Variants in SLC34A1 observed in about 807,000 individuals in gnomAD.
SLC34A1 encodes the protein solute carrier family 34 member 1.
A neutral mutation model predicts 51.4 loss-of-function variants in SLC34A1; 57 were observed. The observed-to-expected ratio is 1.11, with a 90% confidence interval of 0.90 to 1.38. SLC34A1 has a LOEUF of 1.38. SLC34A1 is among the 40% of genes most tolerant of loss of function. SLC34A1 has a pLI of 0.00. For missense variants in SLC34A1, 796 were observed against 835.6 expected, an observed-to-expected ratio of 0.95 and a Z score of 0.58; for synonymous variants, 368 against 358.0, an observed-to-expected ratio of 1.03 and a Z score of -0.32.
chr5:177,397,031 C>G lies in SLC34A1; in HGVS notation c.1373C>G (p.Ala458Gly). 2 of 1,614,026 alleles carry G rather than the reference C, an allele frequency of 1.2e-6. No individual in the cohort carries two copies. The highest frequency in any genetic ancestry group is 1.7e-6 in the Non-Finnish European group (2 of 1,180,020). Residue 458 changes from alanine (A) to glycine (G), a missense_variant, in exon 12 of 13, where the codon GCT (alanine) becomes GGT (glycine). Transcript: ENST00000324417. ...NIGTTTTAIL[A>G]ALASPREKLS... ...GGCACCACCACCACGGCCATCCTGG[C>G]TGCCCTGGCCAGCCCCAGGGAGAAG...
At position 177,397,929 on chromosome 5, in the gene SLC34A1, C is replaced by G. The variant is rs1302577011; in HGVS notation, c.1563C>G (p.Val521=). ...GGTTTGCCGTCCTCTATCTCCTTGTCTGCTTCCTGCTGCTGCCCTCACTGG... is the reference window on the plus strand; with the variant it reads ...GGTTTGCCGTCCTCTATCTCCTTGTGTGCTTCCTGCTGCTGCCCTCACTGG... ...YRWFAVLYLL[V]CFLLLPSLVF... The change falls in exon 13 of 13, where the codon GTC becomes GTG. Residue 521 remains valine (V), a synonymous_variant. Transcript: ENST00000324417. 6.2e-7 allele frequency: 1 copy of G among 1,614,108 alleles called. No homozygotes were observed. The highest frequency in any genetic ancestry group is 1.3e-5 in the African/African-American group (1 of 75,062).
At chr5:177,387,961 G>A (rs576196689) in intron 6 of SLC34A1, 33 bp from the exon 7 acceptor site, 422 of 1,610,962 alleles carry the variant, frequency 2.6e-4, no homozygotes, top group Non-Finnish European at 3.2e-4. Context: ...GCACTGGCTC[G>A]AGCCTGCCTT....
chr5:177,394,311 C>T lies in SLC34A1; in HGVS notation c.1174+116C>T, dbSNP rs1480036701. On this transcript the variant is annotated intron_variant, in intron 10 of 12. Coordinates refer to ENST00000324417, the MANE Select transcript of SLC34A1 (RefSeq NM_003052.5). ...CTACCATCTCTGAGACTCAGTTTCC[C>T]GATGTGAACAAAGAAGGTGGTTTCT... is the stretch of plus-strand genomic sequence containing the variant. 1.1e-5 allele frequency: 13 copies of T among 1,168,620 alleles called. No homozygotes were observed. The Middle Eastern group carries it at 7.3e-4, about 65-fold the overall frequency. The allele number at this position is 1,168,620 out of a possible 1,614,324, so 72.4% of individuals were successfully genotyped here. A position where few individuals can be genotyped will look rare whatever the true frequency, so the allele number is the denominator to read the frequency against.
At position 177,396,788 on chromosome 5, in the gene SLC34A1, C is replaced by T; in HGVS notation, c.1230C>T (p.Ala410=). ...GCTACTTTGCCATGGTGGTGGGCGC[C>T]AGCATGACCTTCGTGGTCCAGAGCA... ...VTGYFAMVVG[A]SMTFVVQSSS... Residue 410 remains alanine, a synonymous_variant, in exon 11 of 13, where the codon GCC becomes GCT. Coordinates refer to ENST00000324417, the MANE Select transcript of SLC34A1 (RefSeq NM_003052.5). This position sits in a 1 kb window ranked among gnomAD's most constrained non-coding sequence, Gnocchi z 4.0. 6.2e-7 allele frequency: 1 copy of T among 1,614,250 alleles called. No individual in the cohort carries two copies. The highest frequency in any genetic ancestry group is 8.5e-7 in the Non-Finnish European group (1 of 1,180,048).
Position 177,398,283 on chromosome 5 carries a change from C to T in SLC34A1, c.1917C>T (p.Leu639=). ...CTGCTCACCACAATGCCACCCGCCTCTAGGCTGTGGGCCCAGACTACAGCC... is the reference window on the plus strand; with the variant it reads ...CTGCTCACCACAATGCCACCCGCCTTTAGGCTGTGGGCCCAGACTACAGCC... ...ALPAHHNATR[L] is the part of the protein sequence containing the mutation. The change falls in exon 13 of 13, where the codon CTC becomes CTT. Residue 639 remains leucine (L), a synonymous_variant. Transcript: ENST00000324417. This position sits in a 1 kb window ranked among gnomAD's most constrained non-coding sequence, Gnocchi z 4.7. The T allele has an allele frequency of 6.3e-7, 1 of 1,599,480 alleles. No individual in the cohort carries two copies. Among genetic ancestry groups the T allele is most frequent in the Non-Finnish European group, 8.5e-7 (1 of 1,179,950 alleles).
chr5:177,393,874 C>A, intron 9 of SLC34A1, 111 bp downstream of exon 9: 1 of 1,469,316 alleles, frequency 6.8e-7, no homozygotes, highest in South Asian at 1.1e-5. Context: ...GCATGGCTGT[C>A]AACTAGCCCA....
intron 6 of SLC34A1, 40 bp downstream of exon 6, chr5:177,387,913 G>C (rs1187248781): frequency 6.2e-7 from 1 of 1,608,176 alleles, no homozygotes; most frequent in Admixed American, 1.7e-5. Flanking sequence ...GCCTGGGGGA[G>C]GACAGCCCCA....
intron 12 of SLC34A1, chr5:177,397,464 G>A: frequency 3.9e-6 from 2 of 518,346 alleles, no homozygotes; most frequent in South Asian, 4.1e-5. Flanking sequence ...CTGAATGAGG[G>A]TCCAGAAACT....
At chr5:177,397,510 T>C in intron 12 of SLC34A1, 1 of 566,120 alleles carries the variant, frequency 1.8e-6, no homozygotes, top group Non-Finnish European at 3.2e-6. Flanking sequence ...TTTGGCAGTA[T>C]CTGCTGGGGG....
intron 2 of SLC34A1, 23 bp from the exon 3 acceptor site, chr5:177,385,964 T>A: frequency 5.0e-6 from 8 of 1,610,546 alleles, no homozygotes; most frequent in Non-Finnish European, 6.8e-6. Flanking sequence ...GCCCTGGGGC[T>A]CCTGACCAGG....
intron 8 of SLC34A1, among the ~76,000 whole-genome samples, chr5:177,393,475 C>T (rs1762869964): frequency 6.6e-6 from 1 of 152,134 alleles, no homozygotes; most frequent in Non-Finnish European, 1.5e-5. Context: ...AGTGGAGTGA[C>T]AGGGCAGAAC....
intron 5 of SLC34A1, among the ~76,000 whole-genome samples, chr5:177,387,353 C>T (rs1424036256): frequency 6.6e-6 from 1 of 152,190 alleles, no homozygotes; most frequent in Non-Finnish European, 1.5e-5. Context: ...CGAGATCATG[C>T]CACTGCACTC....
At position 177,386,194 on chromosome 5, in the gene SLC34A1, A is replaced by G. The variant is rs754033763; in HGVS notation, c.260-27A>G. 6 of 1,613,970 alleles carry G rather than the reference A, an allele frequency of 3.7e-6. No homozygotes were observed. Among genetic ancestry groups the G allele is most frequent in the Non-Finnish European group, 5.1e-6 (6 of 1,180,026 alleles). ...GCAGTCCCTGCCCTGGCCTCTGCCC[A>G]CTATGCTCATGGCTTCCCCCATCCA... On this transcript the variant is annotated intron_variant, in intron 3 of 12. Coordinates refer to ENST00000324417, the MANE Select transcript of SLC34A1 (RefSeq NM_003052.5). This position sits in a 1 kb window ranked among gnomAD's most constrained non-coding sequence, Gnocchi z 4.8.
intron 5 of SLC34A1, among the ~76,000 whole-genome samples, chr5:177,387,028 T>C (rs1360334417): frequency 6.6e-6 from 1 of 151,752 alleles, no homozygotes; most frequent in African/African-American, 2.4e-5. Flanking sequence ...CAGGCTAGTG[T>C]TGGGTTGAAT....
chr5:177,394,621 C>G (rs2127353544), intron 10 of SLC34A1, among the ~76,000 whole-genome samples: 1 of 151,178 alleles, frequency 6.6e-6, no homozygotes, highest in South Asian at 2.1e-4. Context: ...CTTTGGGAGG[C>G]TGAAGCAGCA....
At chr5:177,390,509 CCTGA>C (rs1561631091) in intron 8 of SLC34A1, 2 of 355,846 alleles carry the variant, frequency 5.6e-6, no homozygotes, top group South Asian at 1.1e-4. Flanking sequence ...CTGGTAGAAT[CCTGA>C]CTATCTCGTT....
In SLC34A1 at chr5:177,396,113, G is replaced by A. The variant is rs917167140; in HGVS notation, c.1175-620G>A. 6.6e-6 allele frequency among the ~76,000 whole-genome samples: 1 copy of A among 152,108 alleles called. No homozygotes were observed. The highest frequency in any genetic ancestry group is 2.4e-5 in the African/African-American group (1 of 41,404). Reference sequence around the variant, plus strand: ...CATTTTAAACTTCATGCACTGGGAGGGGCTGCATGACAAGTACTAGAATAA... The same window carrying A: ...CATTTTAAACTTCATGCACTGGGAGAGGCTGCATGACAAGTACTAGAATAA... On this transcript the variant is annotated intron_variant, in intron 10 of 12. Coordinates refer to ENST00000324417, the MANE Select transcript of SLC34A1 (RefSeq NM_003052.5). This position sits in a 1 kb window ranked among gnomAD's most constrained non-coding sequence, Gnocchi z 4.0.
chr5:177,388,576 T>C lies in SLC34A1; in HGVS notation c.936+204T>C, dbSNP rs1337840714. Reference sequence around the variant, plus strand: ...CCTTAGGCAGACATCACCAATCAATTAAAGTTGTTATGTAATTGATCTAGC... The same window carrying C: ...CCTTAGGCAGACATCACCAATCAATCAAAGTTGTTATGTAATTGATCTAGC... On this transcript the variant is annotated intron_variant, in intron 8 of 12. Transcript: ENST00000324417. The surrounding 1 kb of genome is among the most constrained non-coding windows in gnomAD (Gnocchi z 4.3). Among the ~76,000 whole-genome samples, 2 of 151,884 alleles carry C rather than the reference T, an allele frequency of 1.3e-5. No homozygotes were observed. The highest frequency in any genetic ancestry group is 2.9e-5 in the Non-Finnish European group (2 of 67,998).
At position 177,394,151 on chromosome 5, in the gene SLC34A1, T is replaced by A; in HGVS notation, c.1130T>A (p.Leu377His). 6.2e-7 allele frequency: 1 copy of A among 1,614,050 alleles called. No individual in the cohort carries two copies. Among genetic ancestry groups the A allele is most frequent in the East Asian group, 2.2e-5 (1 of 44,878 alleles). The change falls in exon 10 of 13, where the codon CTC becomes CAC. Residue 377 changes from leucine to histidine, a missense_variant. Transcript: ENST00000324417. ...CTAGTCAAGATGCTCAACTCCCTGC[T>A]CAAGGGCCAAGTGGCCAAGGTCATC... ...ILLVKMLNSLLKGQVAKVIQK... is the reference protein window; with the variant it reads ...ILLVKMLNSLHKGQVAKVIQK...
Sources: allele counts gnomAD v4.1 joint callset (sites outside exome capture counted in the v4.1 genomes callset), GRCh38; gene constraint gnomAD v4.1.1; non-coding constraint Gnocchi (gnomAD v3.1); transcripts MANE v1.5; gene names NCBI Gene and HGNC (gene_info 2026-07-23, HGNC 2026-07-21).